The following ACTR3 variants were observed in gnomAD, a reference collection of about 807,000 sequenced individuals.
ACTR3 encodes the protein actin related protein 3, also known as actin-related protein 3.
In ACTR3, 12 loss-of-function variants were observed where a neutral mutation model predicts 56.8. The ratio of observed to expected loss-of-function variants is 0.21; its 90% CI spans 0.14 to 0.34. The LOEUF is 0.34. Ranked by LOEUF, ACTR3 falls within the 10% of genes least tolerant of loss-of-function variation. The pLI, the probability that ACTR3 is intolerant of heterozygous loss-of-function variation, is 1.00. For missense variants in ACTR3, 282 were observed against 512.5 expected (o/e 0.55, Z 4.34); for synonymous variants, 162 against 167.4 (o/e 0.97, Z 0.25).
In ACTR3 at chr2:113,927,406, T is replaced by C. The variant is rs1429058303; in HGVS notation, c.287T>C (p.Val96Ala). Residue 96 changes from valine (V) to alanine (A), a missense_variant, in exon 4 of 12, where the codon GTG (valine) becomes GCG (alanine). Val to Ala is a moderately conservative substitution (Grantham distance 64, BLOSUM62 0). Coordinates refer to ENST00000263238, the MANE Select transcript of ACTR3 (RefSeq NM_005721.5). ...WDLMERFMEQ[V>A]IFKYLRAEPE... Reference sequence around the variant, plus strand: ...TTAATGGAAAGGTTTATGGAGCAAGTGATCTTTAAATATTTAAGGGCAGAA... The same window carrying C: ...TTAATGGAAAGGTTTATGGAGCAAGCGATCTTTAAATATTTAAGGGCAGAA... 3 of 1,595,378 alleles carry C rather than the reference T, an allele frequency of 1.9e-6. No homozygotes were observed. Among genetic ancestry groups the C allele is most frequent in the Non-Finnish European group, 2.6e-6 (3 of 1,168,810 alleles).
chr2:113,890,027 G>T (rs1359991903), upstream of ACTR3: 2 of 584,598 alleles, frequency 3.4e-6, no homozygotes, highest in Non-Finnish European at 6.1e-6. Context: ...GAGTGAGGAG[G>T]AGGGAAGAGA....
In ACTR3 at chr2:113,901,509, C is replaced by T. The variant is rs1025720584; in HGVS notation, c.44+11186C>T. 1.6e-4 allele frequency among the ~76,000 whole-genome samples: 24 copies of T among 152,124 alleles called. 1 individual carries two copies. Among genetic ancestry groups the T allele is most frequent in the Admixed American group, 1.5e-3 (23 of 15,272 alleles). On this transcript the variant is annotated intron_variant, in intron 1 of 11. Coordinates refer to ENST00000263238, the MANE Select transcript of ACTR3 (RefSeq NM_005721.5). ...TTTCATTTGGGATTTATTTGGTAAT[C>T]ATATCTTACATAAAATTATATAAGA...
chr2:113,911,765 C>G (rs910734035), intron 1 of ACTR3, among the ~76,000 whole-genome samples: 1 of 152,064 alleles, frequency 6.6e-6, no homozygotes, highest in Admixed American at 6.6e-5. Context: ...GAGACAGAGT[C>G]TCACTCTGTC....
At chr2:113,903,683 G>A (rs1224646111) in intron 1 of ACTR3, among the ~76,000 whole-genome samples, 1 of 151,642 alleles carries the variant, frequency 6.6e-6, no homozygotes, top group African/African-American at 2.4e-5. Flanking sequence ...TAGTAGAGAT[G>A]GAGTCTCGCC....
At chr2:113,934,000 A>G (rs1256480061) in intron 5 of ACTR3, 1 of 338,836 alleles carries the variant, frequency 3.0e-6, no homozygotes, top group Non-Finnish European at 5.4e-6. Flanking sequence ...CCACATTTTT[A>G]GCTTTAGGAC....
At chr2:113,937,109 G>C (rs776820607) in intron 6 of ACTR3, among the ~76,000 whole-genome samples, 5 of 152,040 alleles carry the variant, frequency 3.3e-5, no homozygotes, top group Non-Finnish European at 7.4e-5. Context: ...ATCTTTAAAA[G>C]ATAACTTTTT....
At chr2:113,890,813 C>T in intron 1 of ACTR3, 2 of 994,378 alleles carry the variant, frequency 2.0e-6, no homozygotes, top group Non-Finnish European at 2.4e-6. Flanking sequence ...CAACATTCTG[C>T]CCAGGGTGTG....
chr2:113,900,104 T>C (rs925430000), intron 1 of ACTR3, among the ~76,000 whole-genome samples: 1 of 152,236 alleles, frequency 6.6e-6, no homozygotes, highest in Non-Finnish European at 1.5e-5. Context: ...ATTCACATAC[T>C]GTAAAGTTTA....
chr2:113,918,687 G>C lies in ACTR3; in HGVS notation c.225+1679G>C, dbSNP rs546246935. On this transcript the variant is annotated intron_variant, in intron 3 of 11. Coordinates refer to ENST00000263238, the MANE Select transcript of ACTR3 (RefSeq NM_005721.5). ...GATGTGAGTTACCACGCCTGGGCCA[G>C]GATTGTTATAAGGCTTAAGGAGATG... is the stretch of plus-strand genomic sequence containing the variant. Among the ~76,000 whole-genome samples the C allele has an allele frequency of 1.5e-3, 226 of 152,160 alleles. 1 individual carries two copies. Among genetic ancestry groups the C allele is most frequent in the Admixed American group, 3.2e-3 (49 of 15,294 alleles).
At chr2:113,953,133 A>G (rs2104630382) in intron 10 of ACTR3, 1 of 152,348 alleles carries the variant, frequency 6.6e-6, no homozygotes, top group African/African-American at 2.4e-5. Flanking sequence ...CAGATATATA[A>G]GTACAAAACA....
chr2:113,893,273 T>A (rs1678941831), intron 1 of ACTR3, among the ~76,000 whole-genome samples: 1 of 149,624 alleles, frequency 6.7e-6, no homozygotes, highest in Non-Finnish European at 1.5e-5. Context: ...TAAATGTGTT[T>A]TTTGCTTTTT....
intron 3 of ACTR3, among the ~76,000 whole-genome samples, chr2:113,918,930 T>G (rs1679456758): frequency 6.6e-6 from 1 of 152,200 alleles, no homozygotes. Flanking sequence ...AAATGGAAAT[T>G]GTGTAAGTGC....
rs551435754 is a variant in ACTR3, at chr2:113,943,928, C to T, written c.858+1569C>T. 6.6e-5 allele frequency among the ~76,000 whole-genome samples: 10 copies of T among 152,190 alleles called. No individual in the cohort carries two copies. The South Asian group carries it at 1.2e-3, about 19-fold the overall frequency. On this transcript the variant is annotated intron_variant, in intron 8 of 11. Coordinates refer to ENST00000263238, the MANE Select transcript of ACTR3 (RefSeq NM_005721.5). ...GTAGAAAGGTGAAGAATAGGGCCTT[C>T]GTGAACACAGACACGTGGACAGGCT...
intron 3 of ACTR3, among the ~76,000 whole-genome samples, chr2:113,920,434 T>G (rs907752649): frequency 3.3e-5 from 5 of 152,244 alleles, no homozygotes; most frequent in African/African-American, 1.2e-4. Context: ...ATATGTACAG[T>G]GTGTGGTGAT....
At chr2:113,913,271 C>T (rs376502526) in intron 2 of ACTR3, 44 bp downstream of exon 2, 2 of 1,335,146 alleles carry the variant, frequency 1.5e-6, no homozygotes, top group South Asian at 1.3e-5. Flanking sequence ...TTTAAAAGAT[C>T]CCCTTCCCTA....
At position 113,942,268 on chromosome 2, in the gene ACTR3, A is replaced by G. The variant is rs407371; in HGVS notation, c.767A>G (p.Tyr256Cys). The G allele has an allele frequency of 2.5e-6, 4 of 1,606,912 alleles. No homozygotes were observed. Among genetic ancestry groups the G allele is most frequent in the South Asian group, 1.1e-5 (1 of 89,936 alleles). The change falls in exon 8 of 12, where the codon TAT (tyrosine) becomes TGT (cysteine). Residue 256 changes from tyrosine to cysteine, a missense_variant. Physicochemically the swap from Tyr to Cys is radical, Grantham distance 194. Transcript: ENST00000263238. ...DTDGSKWIKQ[Y>C]TGINAISKKE... ...GATGGGTCAAAATGGATTAAACAGTATACTGGAATCAATGCTATCTCAAAG... is the reference window on the plus strand; with the variant it reads ...GATGGGTCAAAATGGATTAAACAGTGTACTGGAATCAATGCTATCTCAAAG...
chr2:113,922,296 A>G (rs1351519126), intron 3 of ACTR3, among the ~76,000 whole-genome samples: 7 of 152,220 alleles, frequency 4.6e-5, no homozygotes, highest in African/African-American at 1.7e-4. Flanking sequence ...AAGATAAGGT[A>G]TAATCAAGGT....
intron 1 of ACTR3, among the ~76,000 whole-genome samples, chr2:113,902,077 A>G (rs750066144): frequency 1.3e-5 from 2 of 152,210 alleles, no homozygotes; most frequent in African/African-American, 4.8e-5. Flanking sequence ...ATTTAATTAT[A>G]CTTACTTTAT....
At chr2:113,951,899 A>T (rs13418557) in intron 10 of ACTR3, 54 bp downstream of exon 10, 151,624 of 1,596,552 alleles carry the variant, frequency 0.095, 15,602 homozygotes, top group East Asian at 0.42. Context: ...CTTGATTAGG[A>T]TGAGAAATAT....
Sources: gnomAD v4.1 joint callset for allele counts (sites outside exome capture counted in the v4.1 genomes callset) on GRCh38, gnomAD v4.1.1 for gene constraint, MANE v1.5 for transcripts, NCBI Gene and HGNC (gene_info 2026-07-23, HGNC 2026-07-21) for gene names.